Variants in PTDSS1 observed in about 807,000 individuals in gnomAD.
PTDSS1 encodes PSS-1.
In PTDSS1, 45 loss-of-function variants were observed where a neutral mutation model predicts 70.5. The observed-to-expected ratio is 0.64, with a 90% CI of 0.50 to 0.82. The LOEUF (loss-of-function observed/expected upper bound fraction) is 0.82. Ranked by LOEUF, PTDSS1 falls within the 40% of genes least tolerant of loss-of-function variation. The pLI is 0.00. For synonymous variants in PTDSS1, 188 were observed against 203.8 expected, an observed-to-expected ratio of 0.92 and a Z score of 0.66; for missense variants, 417 against 586.1, an observed-to-expected ratio of 0.71 and a Z score of 2.98.
chr8:96,291,060 C>T (rs1810896189), intron 4 of PTDSS1, among the ~76,000 whole-genome samples: 1 of 151,886 alleles, frequency 6.6e-6, no homozygotes, highest in South Asian at 2.1e-4. Flanking sequence ...TGTCTTTAAG[C>T]TTCAATACTG....
At chr8:96,331,125 T>G (rs539055652) in intron 12 of PTDSS1, 30 bp downstream of exon 12, 1 of 1,561,728 alleles carries the variant, frequency 6.4e-7, no homozygotes, top group African/African-American at 1.4e-5. Context: ...TGTTTAAAAT[T>G]TTACTGGGTC....
intron 5 of PTDSS1, among the ~76,000 whole-genome samples, chr8:96,296,068 G>A (rs113928811): frequency 0.012 from 1,830 of 147,036 alleles, 22 homozygotes; most frequent in Non-Finnish European, 0.014. Flanking sequence ...TGGGCTTGTT[G>A]ATGCATGACC....
At chr8:96,296,269 G>C (rs761846767) in intron 5 of PTDSS1, among the ~76,000 whole-genome samples, 1 of 150,654 alleles carries the variant, frequency 6.6e-6, no homozygotes, top group Non-Finnish European at 1.5e-5. Context: ...CTCCCGAGTA[G>C]CTGGAACTAC....
intron 10 of PTDSS1, among the ~76,000 whole-genome samples, chr8:96,329,764 G>A (rs566420520): frequency 5.9e-5 from 9 of 152,296 alleles, no homozygotes; most frequent in Admixed American, 3.9e-4. Context: ...GTGTTTGTCC[G>A]TGGGCCCTCA....
intron 8 of PTDSS1, among the ~76,000 whole-genome samples, chr8:96,306,845 A>G (rs1349467154): frequency 1.3e-5 from 2 of 152,256 alleles, no homozygotes; most frequent in East Asian, 3.8e-4. Flanking sequence ...CTATAACATC[A>G]TATTAGAAAA....
At chr8:96,281,909 T>TGGGGAGTCACTGATGACA (rs1810742944) in intron 2 of PTDSS1, among the ~76,000 whole-genome samples, 1 of 152,160 alleles carries the variant, frequency 6.6e-6, no homozygotes, top group African/African-American at 2.4e-5. Flanking sequence ...TGTCACTGAG[T>TGGGGAGTCACTGATGACA]CCTTATGACA....
At chr8:96,303,082 C>T (rs928289098) in intron 6 of PTDSS1, among the ~76,000 whole-genome samples, 1 of 152,098 alleles carries the variant, frequency 6.6e-6, no homozygotes, top group African/African-American at 2.4e-5. Flanking sequence ...GTTGAATTAA[C>T]CTCTTTGCTG....
intron 2 of PTDSS1, among the ~76,000 whole-genome samples, chr8:96,278,810 A>G (rs13263307): frequency 1.3e-5 from 2 of 151,988 alleles, no homozygotes; most frequent in Admixed American, 1.3e-4. Context: ...CCACGCCCCC[A>G]AAACCAGCCC....
chr8:96,330,948 G>C (rs2271775), intron 11 of PTDSS1, 78 bp from the exon 12 acceptor site: 2 of 1,248,850 alleles, frequency 1.6e-6, no homozygotes, highest in South Asian at 2.5e-5. Context: ...CAGGGATGCA[G>C]CATGCTCGCC....
chr8:96,313,226 C>T (rs963166206), intron 9 of PTDSS1, among the ~76,000 whole-genome samples: 3 of 152,188 alleles, frequency 2.0e-5, no homozygotes, highest in African/African-American at 7.2e-5. Flanking sequence ...TCATCCCTAA[C>T]GGTTGTGCCA....
intron 9 of PTDSS1, 47 bp from the exon 10 acceptor site, chr8:96,320,199 T>C: frequency 6.8e-7 from 1 of 1,474,640 alleles, no homozygotes; most frequent in South Asian, 1.1e-5. Flanking sequence ...AAGTGTATGC[T>C]CTGGTAAGAT....
intron 12 of PTDSS1, among the ~76,000 whole-genome samples, chr8:96,331,502 C>A (rs1811515866): frequency 6.6e-6 from 1 of 151,760 alleles, no homozygotes; most frequent in African/African-American, 2.4e-5. Flanking sequence ...GCACTCCAGC[C>A]TGGGCAGCAG....
Position 96,261,943 on chromosome 8 carries a change from G to C in PTDSS1, c.-98G>C. On this transcript the variant is annotated 5_prime_UTR_variant, in exon 1 of 13. Transcript: ENST00000517309. Reference sequence around the variant, plus strand: ...TTTGCTGGGCGCCAGACCCGGCTTTGCCGTCCGGCTATTAGCCTACTGTGG... The same window carrying C: ...TTTGCTGGGCGCCAGACCCGGCTTTCCCGTCCGGCTATTAGCCTACTGTGG... 1 of 1,308,804 alleles carries C rather than the reference G, an allele frequency of 7.6e-7. No homozygotes were observed. Among genetic ancestry groups the C allele is most frequent in the Non-Finnish European group, 1.0e-6 (1 of 962,826 alleles). The allele number at this position is 1,308,804 out of a possible 1,614,324, so 81.1% of individuals were successfully genotyped here.
chr8:96,312,908 C>T (rs1811232667), intron 9 of PTDSS1, among the ~76,000 whole-genome samples: 1 of 152,224 alleles, frequency 6.6e-6, no homozygotes, highest in African/African-American at 2.4e-5. Context: ...AAACAGAAAA[C>T]ACTGAAGTGT....
At position 96,330,279 on chromosome 8, in the gene PTDSS1, A is replaced by G; in HGVS notation, c.1240A>G (p.Lys414Glu). The change falls in exon 11 of 13, where the codon AAG becomes GAG. Residue 414 changes from lysine to glutamate, a missense_variant and splice_region_variant. By Grantham distance (56) the Lys-to-Glu change is moderately conservative (BLOSUM62 1). Coordinates refer to ENST00000517309, the MANE Select transcript of PTDSS1 (RefSeq NM_014754.3). ...WYAEHYGHRE[K>E]TYSECEDGTY... ...TGCAGAACACTATGGTCACCGAGAA[A>G]AGGTATGGAAGGAGAGGCAGGCATG... is the stretch of plus-strand genomic sequence containing the variant. 6.2e-7 allele frequency: 1 copy of G among 1,608,138 alleles called. No individual in the cohort carries two copies. Among genetic ancestry groups the G allele is most frequent in the Non-Finnish European group, 8.5e-7 (1 of 1,175,852 alleles).
rs534425234 is a variant in PTDSS1, at chr8:96,325,618, G to A, written c.1174-4595G>A. Among the ~76,000 whole-genome samples the A allele has an allele frequency of 1.8e-4, 27 of 152,108 alleles. No homozygotes were observed. The South Asian group carries it at 2.3e-3, about 13-fold the overall frequency. ...TCCTCTCCATTCCCACTGCCTCTGC[G>A]GCTGTCAGGACACCCATTTTCTTGC... On this transcript the variant is annotated intron_variant, in intron 10 of 12. Coordinates refer to ENST00000517309, the MANE Select transcript of PTDSS1 (RefSeq NM_014754.3).
chr8:96,293,992 C>T (rs1257366548), intron 4 of PTDSS1, among the ~76,000 whole-genome samples: 1 of 152,212 alleles, frequency 6.6e-6, no homozygotes, highest in Non-Finnish European at 1.5e-5. Flanking sequence ...CATCTTATTG[C>T]AGGGCAGTTT....
At chr8:96,302,258 C>G (rs1175371112) in intron 6 of PTDSS1, among the ~76,000 whole-genome samples, 1 of 152,074 alleles carries the variant, frequency 6.6e-6, no homozygotes, top group Non-Finnish European at 1.5e-5. Context: ...TCTCGAACTC[C>G]CAACCTCAGG....
intron 9 of PTDSS1, among the ~76,000 whole-genome samples, chr8:96,310,312 G>C (rs531569901): frequency 3.8e-4 from 57 of 151,130 alleles, no homozygotes; most frequent in Middle Eastern, 3.5e-3. Context: ...TTACAGGTGC[G>C]CACCACCACA....
Sources: gnomAD v4.1 joint callset for allele counts (sites outside exome capture counted in the v4.1 genomes callset) on GRCh38, gnomAD v4.1.1 for gene constraint, MANE v1.5 for transcripts, NCBI Gene and HGNC (gene_info 2026-07-23, HGNC 2026-07-21) for gene names.